RBFOX1: variants seen among roughly 807,000 people sequenced by gnomAD.
RBFOX1 encodes RNA binding protein fox-1 homolog 1.
Under a neutral mutation model 57.7 loss-of-function variants are expected in RBFOX1, and 8 were observed. The observed-to-expected ratio is 0.14, with a 90% CI of 0.08 to 0.25. The LOEUF is 0.25. Ranked by LOEUF, RBFOX1 falls within the 10% of genes least tolerant of loss-of-function variation. The pLI is 1.00. For missense variants in RBFOX1, 611 were observed against 548.5 expected, an observed-to-expected ratio of 1.11 and a Z score of -1.14; for synonymous variants, 326 against 222.4, an observed-to-expected ratio of 1.47 and a Z score of -4.15.
At chr16:5,548,166 A>ATATATATATATATATAT (rs1420272771) in intron 2 of RBFOX1, among the ~76,000 whole-genome samples, 2 of 33,724 alleles carry the variant, frequency 5.9e-5, no homozygotes, top group Non-Finnish European at 1.5e-4. Flanking sequence ...GTTAAAAAAA[A>ATATATATATATATATAT]AAAAAAAAAT....
At chr16:6,451,451 T>G (rs954057522) in intron 2 of RBFOX1, among the ~76,000 whole-genome samples, 2 of 152,158 alleles carry the variant, frequency 1.3e-5, no homozygotes, top group African/African-American at 2.4e-5. Context: ...AATATGGAGA[T>G]GCAAGGAGAC....
chr16:7,206,379 A>G (rs1020125772), intron 4 of RBFOX1, among the ~76,000 whole-genome samples: 1 of 151,952 alleles, frequency 6.6e-6, no homozygotes, highest in Non-Finnish European at 1.5e-5. Context: ...TAAATACACT[A>G]CATGCATTTT....
At chr16:5,294,755 G>A (rs960798501) in intron 1 of RBFOX1, among the ~76,000 whole-genome samples, 1 of 152,062 alleles carries the variant, frequency 6.6e-6, no homozygotes, top group African/African-American at 2.4e-5. Context: ...GACAGGCCAG[G>A]TGCAGTGGCT....
At chr16:5,498,546 A>T (rs2043080210) in intron 2 of RBFOX1, among the ~76,000 whole-genome samples, 1 of 152,174 alleles carries the variant, frequency 6.6e-6, no homozygotes, top group Admixed American at 6.5e-5. Flanking sequence ...AAGGAGAATA[A>T]AGGGTGGTGG....
chr16:5,778,979 C>A (rs2054238604), intron 3 of RBFOX1, among the ~76,000 whole-genome samples: 1 of 152,144 alleles, frequency 6.6e-6, no homozygotes, highest in East Asian at 1.9e-4. Context: ...TTGATCTATT[C>A]ATTAACTCAT....
intron 2 of RBFOX1, among the ~76,000 whole-genome samples, chr16:5,522,323 T>C (rs985241904): frequency 6.6e-6 from 1 of 152,264 alleles, no homozygotes; most frequent in African/African-American, 2.4e-5. Flanking sequence ...GGTGTTGTGA[T>C]GTGCGTAAAG....
intron 2 of RBFOX1, among the ~76,000 whole-genome samples, chr16:6,588,463 G>A (rs1385962262): frequency 6.6e-6 from 1 of 152,012 alleles, no homozygotes; most frequent in African/African-American, 2.4e-5. Flanking sequence ...GACCAGCCTG[G>A]CCAACATGAC....
intron 3 of RBFOX1, among the ~76,000 whole-genome samples, chr16:6,727,112 A>G (rs199739635): frequency 2.3e-4 from 8 of 34,938 alleles, no homozygotes; most frequent in South Asian, 4.0e-3. Flanking sequence ...ACATAAATAT[A>G]TGTGTGTGTG....
intron 4 of RBFOX1, among the ~76,000 whole-genome samples, chr16:7,226,185 C>A (rs28506775): frequency 1.6e-3 from 240 of 152,256 alleles, no homozygotes; most frequent in Non-Finnish European, 2.6e-3. Context: ...GGATAACTCT[C>A]AGGTACCCTG....
chr16:6,558,987 C>T (rs1354902963), intron 2 of RBFOX1, among the ~76,000 whole-genome samples: 1 of 152,130 alleles, frequency 6.6e-6, no homozygotes, highest in Non-Finnish European at 1.5e-5. Context: ...ATGCCGCTTC[C>T]TCCAGGAAAG....
chr16:6,560,174 CA>C (rs5815323), intron 2 of RBFOX1, among the ~76,000 whole-genome samples: 43,310 of 120,950 alleles, frequency 0.36, 7,527 homozygotes, highest in East Asian at 0.67. Context: ...TGCCATTTAT[CA>C]AAAAAAAAAA....
chr16:5,288,022 G>A (rs2151165508), intron 1 of RBFOX1, among the ~76,000 whole-genome samples: 1 of 152,318 alleles, frequency 6.6e-6, no homozygotes, highest in South Asian at 2.1e-4. Flanking sequence ...TGACTAGGGA[G>A]GTACCATAGC....
chr16:6,681,207 G>C (rs2058600268), intron 3 of RBFOX1, among the ~76,000 whole-genome samples: 1 of 152,268 alleles, frequency 6.6e-6, no homozygotes, highest in South Asian at 2.1e-4. Flanking sequence ...AGTTACTTGG[G>C]AGGTTGAGGC....
At chr16:5,898,081 T>C (rs1322556782) in intron 4 of RBFOX1, among the ~76,000 whole-genome samples, 1 of 152,108 alleles carries the variant, frequency 6.6e-6, no homozygotes, top group Non-Finnish European at 1.5e-5. Flanking sequence ...CTTTCAATCA[T>C]GGTGGAAGGG....
chr16:7,268,963 G>A (rs984491296), intron 4 of RBFOX1, among the ~76,000 whole-genome samples: 1 of 142,764 alleles, frequency 7.0e-6, no homozygotes, highest in Non-Finnish European at 1.5e-5. Context: ...CTTGAACCCT[G>A]AAGGCAGAGT....
intron 14 of RBFOX1, among the ~76,000 whole-genome samples, chr16:7,695,369 C>G (rs1338221653): frequency 6.7e-6 from 1 of 148,728 alleles, no homozygotes; most frequent in African/African-American, 2.5e-5. Context: ...TCAGTGAAAG[C>G]CTTCTAGGGC....
chr16:7,364,260 G>A (rs1568428255), intron 4 of RBFOX1, among the ~76,000 whole-genome samples: 2 of 152,066 alleles, frequency 1.3e-5, no homozygotes, highest in Non-Finnish European at 2.9e-5. Context: ...TTGGCTGCCA[G>A]GAAAGACGGA....
intron 1 of RBFOX1, among the ~76,000 whole-genome samples, chr16:6,114,292 C>T (rs989020885): frequency 1.3e-5 from 2 of 152,102 alleles, no homozygotes; most frequent in South Asian, 2.1e-4. Flanking sequence ...TGTCGTTGAC[C>T]ATTTTACGGT....
chr16:5,646,601 A>G (rs995134472), intron 3 of RBFOX1, among the ~76,000 whole-genome samples: 3 of 152,066 alleles, frequency 2.0e-5, no homozygotes, highest in Admixed American at 6.5e-5. Flanking sequence ...CAGGGAGGGC[A>G]TGGCAGGGGT....
Sources: allele counts gnomAD v4.1 joint callset (sites outside exome capture counted in the v4.1 genomes callset), GRCh38; gene constraint gnomAD v4.1.1; transcripts MANE v1.5; gene names NCBI Gene and HGNC (gene_info 2026-07-23, HGNC 2026-07-21).